Variants in NLGN4X observed in about 807,000 individuals in gnomAD.
NLGN4X encodes the protein neuroligin-4, X-linked.
Under a neutral mutation model 40.3 loss-of-function variants are expected in NLGN4X, and 3 were observed. That is an observed-to-expected ratio of 0.07 (90% confidence interval 0.03 to 0.19). NLGN4X has a LOEUF of 0.19. Ranked by LOEUF, NLGN4X falls within the 10% of genes least tolerant of loss-of-function variation. The probability of loss-of-function intolerance (pLI) is 1.00; values close to 1 mark genes in which losing one functional copy is unlikely to be tolerated. For synonymous variants in NLGN4X, 270 were observed against 306.8 expected (o/e 0.88, Z 1.25); for missense variants, 382 against 708.3 (o/e 0.54, Z 5.23).
intron 3 of NLGN4X, among the ~76,000 whole-genome samples, chrX:5,944,580 C>A (rs2034060063): frequency 1.0e-5 from 1 of 98,417 alleles, no homozygotes; most frequent in Non-Finnish European, 2.0e-5. Context: ...CCTAGGAGGC[C>A]AAGGCTGCAG....
At chrX:6,171,094 G>T (rs5915652) in intron 1 of NLGN4X, among the ~76,000 whole-genome samples, 64 of 112,258 alleles carry the variant, frequency 5.7e-4, no homozygotes, top group Middle Eastern at 4.7e-3. Flanking sequence ...AGAGTGCTGG[G>T]ATTACAGGCG....
chrX:5,965,488 A>G (rs7062347), intron 3 of NLGN4X, among the ~76,000 whole-genome samples: 7,589 of 112,063 alleles, frequency 0.068, 628 homozygotes, highest in African/African-American at 0.23. Flanking sequence ...AGTTATGCCT[A>G]CACATGGCAT....
At chrX:5,959,882 G>A (rs1182374009) in intron 3 of NLGN4X, among the ~76,000 whole-genome samples, 1 of 111,462 alleles carries the variant, frequency 9.0e-6, no homozygotes, top group Non-Finnish European at 1.9e-5. Context: ...AACTCTGAAT[G>A]AGTAAGATGC....
At chrX:5,980,773 A>G (rs2035363020) in intron 3 of NLGN4X, among the ~76,000 whole-genome samples, 1 of 110,877 alleles carries the variant, frequency 9.0e-6, no homozygotes, top group African/African-American at 3.3e-5. Flanking sequence ...CTTTATGTCA[A>G]TAATACGCTG....
intron 5 of NLGN4X, among the ~76,000 whole-genome samples, chrX:5,899,688 T>C (rs2031730322): frequency 1.1e-5 from 1 of 95,211 alleles, no homozygotes; most frequent in East Asian, 4.3e-4. Flanking sequence ...CTGTCTTTTT[T>C]CCTTTTTTTT....
intron 2 of NLGN4X, among the ~76,000 whole-genome samples, chrX:6,038,178 AGGGGT>A (rs1345696374): frequency 2.7e-5 from 3 of 111,790 alleles, no homozygotes; most frequent in African/African-American, 9.8e-5. Flanking sequence ...CTGGGGATAG[AGGGGT>A]GGCTGGTGAG....
At chrX:5,922,737 C>A (rs1327580380) in intron 3 of NLGN4X, among the ~76,000 whole-genome samples, 1 of 110,350 alleles carries the variant, frequency 9.1e-6, no homozygotes, top group Non-Finnish European at 1.9e-5. Flanking sequence ...GTGGCACAGG[C>A]CTGTAATACC....
intron 3 of NLGN4X, among the ~76,000 whole-genome samples, chrX:5,961,850 C>G (rs917212456): frequency 1.4e-4 from 16 of 112,162 alleles, no homozygotes; most frequent in African/African-American, 4.9e-4. Context: ...ACTCATACAA[C>G]ATTAAAAAAT....
chrX:6,032,552 AAAAT>A (rs1401443072), intron 2 of NLGN4X: 5 of 347,660 alleles, frequency 1.4e-5, no homozygotes, highest in Non-Finnish European at 2.4e-5. Flanking sequence ...ATACAAGAAG[AAAAT>A]AATTAAGGAA....
chrX:6,159,421 G>T (rs1332051057), intron 1 of NLGN4X, among the ~76,000 whole-genome samples: 1 of 112,062 alleles, frequency 8.9e-6, no homozygotes, highest in Non-Finnish European at 1.9e-5. Flanking sequence ...ATTTTACAAT[G>T]AAAATTTAAT....
intron 2 of NLGN4X, among the ~76,000 whole-genome samples, chrX:6,093,825 G>A (rs1441199906): frequency 9.0e-6 from 1 of 111,445 alleles, no homozygotes; most frequent in Non-Finnish European, 1.9e-5. Flanking sequence ...ATATTACATA[G>A]TAAAATATTT....
chrX:6,097,340 C>CTGTAGTAGACTACTACTACAAAGACTGT (rs2038805093), intron 2 of NLGN4X, among the ~76,000 whole-genome samples: 1 of 109,700 alleles, frequency 9.1e-6, no homozygotes, highest in Non-Finnish European at 1.9e-5. Flanking sequence ...TTACTAAAGA[C>CTGTAGTAGACTACTACTACAAAGACTGT]AGTCATTGAC....
At chrX:6,050,769 G>GTCCA (rs1226839921) in intron 2 of NLGN4X, among the ~76,000 whole-genome samples, 7 of 70,119 alleles carry the variant, frequency 1.0e-4, no homozygotes, top group African/African-American at 3.7e-4. Flanking sequence ...ATGTCTGTCT[G>GTCCA]TCTGTCCATC....
At chrX:6,180,811 T>G (rs776988589) in intron 1 of NLGN4X, among the ~76,000 whole-genome samples, 119 of 110,786 alleles carry the variant, frequency 1.1e-3, no homozygotes, top group African/African-American at 3.7e-3. Context: ...CTGACAGCTT[T>G]TTTTTTTTTA....
intron 2 of NLGN4X, among the ~76,000 whole-genome samples, chrX:6,108,626 G>A (rs1411583661): frequency 1.8e-5 from 2 of 111,661 alleles, no homozygotes; most frequent in African/African-American, 3.3e-5. Flanking sequence ...CGAGGCTGCA[G>A]TGAGCCAAAA....
chrX:6,119,999 C>A lies in NLGN4X; in HGVS notation c.472+30996G>T, dbSNP rs747583531. 2.7e-5 allele frequency among the ~76,000 whole-genome samples: 3 copies of A among 111,380 alleles called. No homozygotes were observed. The East Asian group carries it at 8.5e-4, about 32-fold the overall frequency. On this transcript the variant is annotated intron_variant, in intron 2 of 5. Coordinates refer to ENST00000381095, the MANE Select transcript of NLGN4X (RefSeq NM_181332.3). Reference sequence around the variant, plus strand: ...TATGCATTGCATCTTGTCACTGATTCAGAAAATTGCTACGTAATCACAGCT... The same window carrying A: ...TATGCATTGCATCTTGTCACTGATTAAGAAAATTGCTACGTAATCACAGCT...
At chrX:6,125,304 G>A (rs991941382) in intron 2 of NLGN4X, among the ~76,000 whole-genome samples, 13 of 111,851 alleles carry the variant, frequency 1.2e-4, no homozygotes, top group African/African-American at 3.2e-4. Context: ...AGAAATTAGC[G>A]AAACAGAGAA....
intron 3 of NLGN4X, among the ~76,000 whole-genome samples, chrX:5,945,499 G>A (rs919053843): frequency 5.4e-5 from 6 of 111,938 alleles, no homozygotes; most frequent in African/African-American, 9.8e-5. Context: ...ATTTGGAAGC[G>A]AACTTGGCGC....
intron 3 of NLGN4X, among the ~76,000 whole-genome samples, chrX:5,962,710 G>C (rs1227152463): frequency 1.8e-5 from 2 of 111,689 alleles, no homozygotes; most frequent in African/African-American, 6.5e-5. Context: ...TTAAGAGGTT[G>C]TTAGATCATG....
Sources: allele counts gnomAD v4.1 joint callset (sites outside exome capture counted in the v4.1 genomes callset), GRCh38; gene constraint gnomAD v4.1.1; transcripts MANE v1.5; gene names NCBI Gene and HGNC (gene_info 2026-07-23, HGNC 2026-07-21).